Variants in SGCD observed in about 807,000 individuals in gnomAD.
SGCD encodes delta-sarcoglycan.
Under a neutral mutation model 36.6 loss-of-function variants are expected in SGCD, and 18 were observed. That is an observed-to-expected ratio of 0.49 (90% confidence interval 0.34 to 0.73). SGCD has a LOEUF of 0.73. Among genes scored for constraint, SGCD ranks in the 30% least tolerant of loss-of-function variants. The pLI is 0.01. For synonymous variants in SGCD, 133 were observed against 130.6 expected (o/e 1.02, Z -0.12); for missense variants, 387 against 346.7 (o/e 1.12, Z -0.92).
chr5:156,630,470 T>TGTTATA, intron 6 of SGCD, among the ~76,000 whole-genome samples: 1 of 152,324 alleles, frequency 6.6e-6, no homozygotes, highest in Middle Eastern at 3.4e-3. Context: ...ACTCTTACTG[T>TGTTATA]GTGCCATGCA....
intron 4 of SGCD, among the ~76,000 whole-genome samples, chr5:156,544,280 G>A (rs1421696891): frequency 6.6e-6 from 1 of 152,174 alleles, no homozygotes; most frequent in Non-Finnish European, 1.5e-5. Flanking sequence ...AGTTCTGTGA[G>A]TAATTTCCTA....
At chr5:156,159,994 T>TG (rs1763053667) in intron 3 of SGCD, among the ~76,000 whole-genome samples, 1 of 151,600 alleles carries the variant, frequency 6.6e-6, no homozygotes, top group Non-Finnish European at 1.5e-5. Context: ...TAGCAAATTG[T>TG]GGGTTCTTAA....
intron 4 of SGCD, among the ~76,000 whole-genome samples, chr5:156,516,927 G>A (rs991775329): frequency 1.3e-5 from 2 of 152,120 alleles, no homozygotes; most frequent in Non-Finnish European, 2.9e-5. Context: ...GAACCCGGAA[G>A]GTGGAGGTTG....
At chr5:156,449,064 G>C (rs1753876329) in intron 3 of SGCD, among the ~76,000 whole-genome samples, 1 of 152,054 alleles carries the variant, frequency 6.6e-6, no homozygotes, top group African/African-American at 2.4e-5. Flanking sequence ...AAATGTGGAA[G>C]AGGTTTCAAG....
chr5:155,966,918 G>A (rs936766233), intron 1 of SGCD, among the ~76,000 whole-genome samples: 1 of 151,024 alleles, frequency 6.6e-6, no homozygotes, highest in African/African-American at 2.4e-5. Flanking sequence ...CTTTTACAAA[G>A]GCCAATATAG....
chr5:156,479,876 C>T (rs1417239080), intron 3 of SGCD, among the ~76,000 whole-genome samples: 5 of 152,222 alleles, frequency 3.3e-5, no homozygotes, highest in Non-Finnish European at 7.3e-5. Context: ...GTTCTTCCAA[C>T]ACTTTCCATA....
chr5:156,232,333 T>C (rs1262922974), intron 3 of SGCD, among the ~76,000 whole-genome samples: 1 of 152,208 alleles, frequency 6.6e-6, no homozygotes, highest in African/African-American at 2.4e-5. Context: ...AATATCTGCT[T>C]CTAAAACTAG....
chr5:156,069,697 C>G (rs1262227062), intron 1 of SGCD, among the ~76,000 whole-genome samples: 3 of 150,836 alleles, frequency 2.0e-5, no homozygotes, highest in South Asian at 2.1e-4. Context: ...GGCATTGAAT[C>G]TATAAATTCC....
Position 155,962,414 on chromosome 5 carries a change from C to G in SGCD, c.-282+91990C>G, listed in dbSNP as rs1398483101. Among the ~76,000 whole-genome samples the G allele has an allele frequency of 3.3e-5, 5 of 152,072 alleles. No homozygotes were observed. The East Asian group carries it at 9.7e-4, about 29-fold the overall frequency. On this transcript the variant is annotated intron_variant, in intron 1 of 9. Coordinates refer to the SGCD transcript ENST00000517913. ...CACTAACTGGACTTTTCCTGCCCAT[C>G]CACTAACCTAGGTCATGCTGAGGAC... is the stretch of plus-strand genomic sequence containing the variant.
chr5:156,479,858 C>T (rs1312356446), intron 3 of SGCD, among the ~76,000 whole-genome samples: 4 of 152,194 alleles, frequency 2.6e-5, no homozygotes, highest in African/African-American at 9.6e-5. Flanking sequence ...TCAGAATCTG[C>T]TCTCTTGGTT....
intron 3 of SGCD, among the ~76,000 whole-genome samples, chr5:156,288,871 T>G (rs1766685203): frequency 6.6e-6 from 1 of 152,208 alleles, no homozygotes; most frequent in South Asian, 2.1e-4. Flanking sequence ...ATGCCATCGG[T>G]TTTTTAAGTG....
intron 6 of SGCD, among the ~76,000 whole-genome samples, chr5:156,623,901 C>T (rs114517019): frequency 2.1e-3 from 321 of 152,208 alleles, no homozygotes; most frequent in African/African-American, 7.6e-3. Context: ...ATGAGGGTGT[C>T]CCAGCACAAG....
the SGCD span, among the ~76,000 whole-genome samples, chr5:155,793,154 C>T: frequency 6.6e-6 from 1 of 152,092 alleles, no homozygotes; most frequent in Non-Finnish European, 1.5e-5. Flanking sequence ...AATGCAGCAA[C>T]AGAAAACAAA....
chr5:156,595,788 A>G (rs1760904904), intron 6 of SGCD, among the ~76,000 whole-genome samples: 1 of 152,262 alleles, frequency 6.6e-6, no homozygotes, highest in South Asian at 2.1e-4. Context: ...TCATAGTTCC[A>G]ACTCTGATTT....
At chr5:156,421,708 C>T (rs1008642727) in intron 3 of SGCD, among the ~76,000 whole-genome samples, 5 of 152,006 alleles carry the variant, frequency 3.3e-5, no homozygotes, top group African/African-American at 1.2e-4. Flanking sequence ...CTTTTAGCAG[C>T]ACTTGAAGCT....
At chr5:156,449,141 T>C (rs1434925320) in intron 3 of SGCD, among the ~76,000 whole-genome samples, 4 of 152,154 alleles carry the variant, frequency 2.6e-5, no homozygotes, top group Non-Finnish European at 5.9e-5. Flanking sequence ...TGTCTTCTTT[T>C]TGACTGAAGT....
At chr5:155,968,996 A>G (rs902316418) in intron 1 of SGCD, among the ~76,000 whole-genome samples, 14 of 152,130 alleles carry the variant, frequency 9.2e-5, no homozygotes, top group African/African-American at 2.9e-4. Context: ...ACATCAATAC[A>G]TACACATCTA....
At chr5:155,846,799 A>G in the SGCD span, among the ~76,000 whole-genome samples, 4 of 152,066 alleles carry the variant, frequency 2.6e-5, no homozygotes, top group African/African-American at 9.7e-5. Context: ...GATGTATTTC[A>G]TTTCTTCTAA....
At chr5:155,959,182 G>A (rs763245389) in intron 1 of SGCD, among the ~76,000 whole-genome samples, 8 of 152,142 alleles carry the variant, frequency 5.3e-5, no homozygotes, top group Non-Finnish European at 8.8e-5. Flanking sequence ...TTAGTTTAAC[G>A]TGACATAGCT....
Sources: gnomAD v4.1 joint callset for allele counts (sites outside exome capture counted in the v4.1 genomes callset) on GRCh38, gnomAD v4.1.1 for gene constraint, MANE v1.5 for transcripts, NCBI Gene and HGNC (gene_info 2026-07-23, HGNC 2026-07-21) for gene names.